The following NIBAN1 variants were observed in gnomAD, a reference collection of about 807,000 sequenced individuals.
NIBAN1 encodes the protein protein Niban 1.
A neutral mutation model predicts 75.1 loss-of-function variants in NIBAN1; 81 were observed. The observed-to-expected ratio is 1.08, with a 90% CI of 0.90 to 1.30. The LOEUF (loss-of-function observed/expected upper bound fraction) is 1.30, where lower values mean the gene tolerates loss of function less well. Ranked by LOEUF, NIBAN1 falls within the 50% of genes most tolerant of loss-of-function variation. NIBAN1 has a pLI of 0.00. For synonymous variants in NIBAN1, 436 were observed against 424.8 expected, an observed-to-expected ratio of 1.03 and a Z score of -0.32; for missense variants, 1,133 against 1,128.1, an observed-to-expected ratio of 1.00 and a Z score of -0.06.
At chr1:184,838,378 A>T (rs689157) in intron 5 of NIBAN1, among the ~76,000 whole-genome samples, 91,983 of 151,944 alleles carry the variant, frequency 0.61, 28,513 homozygotes, top group African/African-American at 0.74. Context: ...GGCCAACTCA[A>T]CGATACAAAA....
At chr1:184,811,646 C>T (rs1654383341) in intron 9 of NIBAN1, among the ~76,000 whole-genome samples, 1 of 151,800 alleles carries the variant, frequency 6.6e-6, no homozygotes, top group Non-Finnish European at 1.5e-5. Context: ...CACCCCGCCA[C>T]CACGCCCGGC....
rs556545230 is a variant in NIBAN1 at position 184,898,215 on chromosome 1, C to A, written c.186+964G>T. On this transcript the variant is annotated intron_variant, in intron 2 of 13. Coordinates refer to ENST00000367511, the MANE Select transcript of NIBAN1 (RefSeq NM_052966.4). ...GTCTTCACACTTGCTGTTCCATAGA[C>A]CTGGAATACTCTTCCCACGAATATT... Among the ~76,000 whole-genome samples the A allele has an allele frequency of 1.1e-4, 16 of 152,290 alleles. 2 individuals are homozygous for A. Among genetic ancestry groups the A allele is most frequent in the Admixed American group, 9.8e-4 (15 of 15,306 alleles).
At chr1:184,946,657 A>G (rs1658232052) in intron 1 of NIBAN1, among the ~76,000 whole-genome samples, 1 of 152,234 alleles carries the variant, frequency 6.6e-6, no homozygotes, top group South Asian at 2.1e-4. Flanking sequence ...TATTGGAGAA[A>G]TAATAGAGAT....
chr1:184,925,505 C>T (rs234684), intron 1 of NIBAN1, among the ~76,000 whole-genome samples: 87,907 of 151,760 alleles, frequency 0.58, 26,690 homozygotes, highest in African/African-American at 0.77. Context: ...TGCCTTCCTG[C>T]CATTTTATTA....
At chr1:184,882,472 T>C (rs1322574942) in intron 5 of NIBAN1, among the ~76,000 whole-genome samples, 1 of 152,214 alleles carries the variant, frequency 6.6e-6, no homozygotes, top group Admixed American at 6.5e-5. Flanking sequence ...CTGGAAGTTA[T>C]GCCAAATTAA....
chr1:184,792,832 G>A lies in NIBAN1; in HGVS notation c.*2145C>T, dbSNP rs1264736506. 6.6e-6 allele frequency: 1 copy of A among 152,284 alleles called. No homozygotes were observed. The highest frequency in any genetic ancestry group is 2.4e-5 in the African/African-American group (1 of 41,460). 9.4% of individuals were successfully genotyped at this position (152,284 alleles called of 1,614,324 possible). On this transcript the variant is annotated 3_prime_UTR_variant, in exon 14 of 14. Coordinates refer to ENST00000367511, the MANE Select transcript of NIBAN1 (RefSeq NM_052966.4). ...CATTATTCAAGGCTGTGGGTTTCTA[G>A]CAGGAAGCACAAATGATGACTAAAC...
At chr1:184,926,872 G>T (rs536749609) in intron 1 of NIBAN1, among the ~76,000 whole-genome samples, 2 of 152,010 alleles carry the variant, frequency 1.3e-5, no homozygotes, top group Non-Finnish European at 2.9e-5. Flanking sequence ...CTCTGATTGT[G>T]TATTTTCAAA....
chr1:184,874,943 T>A (rs1656195256), intron 5 of NIBAN1, among the ~76,000 whole-genome samples: 1 of 152,062 alleles, frequency 6.6e-6, no homozygotes, highest in Non-Finnish European at 1.5e-5. Context: ...CAAAGCAAGG[T>A]GTAGCAAATT....
At chr1:184,885,706 C>T (rs1333633582) in intron 4 of NIBAN1, among the ~76,000 whole-genome samples, 2 of 152,230 alleles carry the variant, frequency 1.3e-5, no homozygotes, top group Non-Finnish European at 2.9e-5. Context: ...TCACCTCAGT[C>T]TGATTCCTGT....
At chr1:184,910,416 C>A (rs1657210551) in intron 1 of NIBAN1, among the ~76,000 whole-genome samples, 1 of 151,968 alleles carries the variant, frequency 6.6e-6, no homozygotes, top group Non-Finnish European at 1.5e-5. Context: ...ATTTTCAGAT[C>A]AAGAAATTAA....
intron 1 of NIBAN1, among the ~76,000 whole-genome samples, chr1:184,912,293 T>C (rs1657261723): frequency 6.6e-6 from 1 of 152,184 alleles, no homozygotes. Context: ...CTCTTTTTGC[T>C]CATACAATCA....
chr1:184,841,851 G>A (rs965120809), intron 5 of NIBAN1, among the ~76,000 whole-genome samples: 1 of 152,138 alleles, frequency 6.6e-6, no homozygotes, highest in African/African-American at 2.4e-5. Flanking sequence ...TAGTCTCATG[G>A]CATCATGTGC....
At chr1:184,880,595 C>G (rs1277692394) in intron 5 of NIBAN1, among the ~76,000 whole-genome samples, 1 of 152,162 alleles carries the variant, frequency 6.6e-6, no homozygotes, top group Non-Finnish European at 1.5e-5. Flanking sequence ...ATTCCTCCTC[C>G]AGGAACACTT....
intron 4 of NIBAN1, 64 bp downstream of exon 4, chr1:184,890,044 A>C: frequency 8.0e-7 from 1 of 1,249,138 alleles, no homozygotes; most frequent in Non-Finnish European, 1.2e-6. Context: ...ACAGAGAAAC[A>C]CTGCTCCAGC....
chr1:184,895,891 T>C (rs1333010319), intron 2 of NIBAN1, among the ~76,000 whole-genome samples: 1 of 152,142 alleles, frequency 6.6e-6, no homozygotes, highest in Non-Finnish European at 1.5e-5. Context: ...AGGGTATGAT[T>C]TTGTTCTTTT....
chr1:184,947,093 A>T (rs1197392442), intron 1 of NIBAN1, among the ~76,000 whole-genome samples: 1 of 152,184 alleles, frequency 6.6e-6, no homozygotes, highest in Non-Finnish European at 1.5e-5. Context: ...AGAAAAGAAA[A>T]GAAATGCATT....
chr1:184,947,097 A>G (rs1658246626), intron 1 of NIBAN1, among the ~76,000 whole-genome samples: 1 of 152,140 alleles, frequency 6.6e-6, no homozygotes, highest in Non-Finnish European at 1.5e-5. Context: ...AAGAAAAGAA[A>G]TGCATTGTTT....
At chr1:184,798,534 T>C (rs775973519) in intron 12 of NIBAN1, among the ~76,000 whole-genome samples, 2 of 152,172 alleles carry the variant, frequency 1.3e-5, no homozygotes, top group Non-Finnish European at 2.9e-5. Context: ...TTTTTTATCA[T>C]CTCAAGGCCT....
chr1:184,956,123 G>T (rs1018028774), intron 1 of NIBAN1, among the ~76,000 whole-genome samples: 1 of 151,846 alleles, frequency 6.6e-6, no homozygotes, highest in Non-Finnish European at 1.5e-5. Context: ...CTTGATCCTG[G>T]GTTCCAGCGA....
Sources: allele counts gnomAD v4.1 joint callset (sites outside exome capture counted in the v4.1 genomes callset), GRCh38; gene constraint gnomAD v4.1.1; transcripts MANE v1.5; gene names NCBI Gene and HGNC (gene_info 2026-07-23, HGNC 2026-07-21).